The following TARBP1 variants were observed in gnomAD, a reference collection of about 807,000 sequenced individuals.
TARBP1 encodes the protein tRNA guanosine 2 -O-methyltransferase TARBP1, also known as tRNA (guanosine(18)-2'-O)-methyltransferase TARBP1.
In TARBP1, 144 loss-of-function variants were observed where a neutral mutation model predicts 178.6. The observed-to-expected ratio is 0.81, with a 90% CI of 0.70 to 0.93. TARBP1 has a LOEUF of 0.93. TARBP1 is among the 40% of genes least tolerant of loss of function. The probability of loss-of-function intolerance (pLI) is 0.00; values close to 1 mark genes in which losing one functional copy is unlikely to be tolerated. For synonymous variants in TARBP1, 787 were observed against 781.0 expected, an observed-to-expected ratio of 1.01 and a Z score of -0.13; for missense variants, 2,067 against 2,011.7, an observed-to-expected ratio of 1.03 and a Z score of -0.53.
intron 20 of TARBP1, among the ~76,000 whole-genome samples, chr1:234,421,927 C>T (rs1387376575): frequency 6.6e-6 from 1 of 152,170 alleles, no homozygotes; most frequent in Non-Finnish European, 1.5e-5. Context: ...TCGTTCTCTG[C>T]ATTTTAGTGT....
chr1:234,411,385 T>A (rs1281477102), intron 22 of TARBP1, among the ~76,000 whole-genome samples: 1 of 152,006 alleles, frequency 6.6e-6, no homozygotes, highest in African/African-American at 2.4e-5. Flanking sequence ...CTGGAATCAA[T>A]CCCCCATGGA....
chr1:234,435,227 A>T (rs1664883190), intron 13 of TARBP1, among the ~76,000 whole-genome samples: 1 of 152,202 alleles, frequency 6.6e-6, no homozygotes, highest in South Asian at 2.1e-4. Flanking sequence ...AGGCAGGCAG[A>T]TCACCTGAGG....
At chr1:234,455,767 TA>T (rs1025986887) in intron 9 of TARBP1, among the ~76,000 whole-genome samples, 2 of 149,080 alleles carry the variant, frequency 1.3e-5, no homozygotes, top group African/African-American at 2.5e-5. Context: ...AAAAAGGAAC[TA>T]AAAAAAAATT....
In TARBP1 at chr1:234,475,096, C is replaced by T. The variant is rs1351679584; in HGVS notation, c.932-2285G>A. Among the ~76,000 whole-genome samples the T allele has an allele frequency of 2.0e-5, 3 of 152,316 alleles. 1 individual carries two copies. Among genetic ancestry groups the T allele is most frequent in the South Asian group, 4.1e-4 (2 of 4,830 alleles). On this transcript the variant is annotated intron_variant, in intron 1 of 29. Transcript: ENST00000040877. ...ACAGCTTGCTGAGGGAGTCCACATC[C>T]ATTCACCAGCTCTTTTCTTCAAGCC...
chr1:234,463,707 A>G, intron 6 of TARBP1, 130 bp downstream of exon 6: 1 of 511,882 alleles, frequency 2.0e-6, no homozygotes, highest in South Asian at 3.8e-5. Context: ...GAAAATATGC[A>G]TATCCTGGAA....
In TARBP1 at chr1:234,448,621, T is replaced by A. The variant is rs764331672; in HGVS notation, c.1862-42A>T. On this transcript the variant is annotated intron_variant, in intron 10 of 29. Transcript: ENST00000040877. ...TAAGGTTTGCAAAGCATTAACAAAA[T>A]CCTTCAAGGATGATGCTTCAAAAAA... 3.3e-6 allele frequency: 5 copies of A among 1,510,862 alleles called. No homozygotes were observed. The South Asian group carries it at 5.7e-5, about 17-fold the overall frequency. 93.6% of individuals were successfully genotyped at this position (1,510,862 alleles called of 1,614,324 possible).
intron 24 of TARBP1, among the ~76,000 whole-genome samples, chr1:234,403,928 T>A (rs1016956752): frequency 2.0e-5 from 3 of 152,154 alleles, no homozygotes; most frequent in Admixed American, 2.0e-4. Context: ...CCTCAGGCGA[T>A]CCACCTACCT....
chr1:234,425,566 T>C lies in TARBP1; in HGVS notation c.3444+107A>G, dbSNP rs1465031491. The C allele has an allele frequency of 2.4e-6, 3 of 1,225,516 alleles. No individual in the cohort carries two copies. In the African/African-American group the frequency reaches 4.6e-5, roughly 19 times the overall value. 75.9% of individuals were successfully genotyped at this position (1,225,516 alleles called of 1,614,324 possible). A position where few individuals can be genotyped will look rare whatever the true frequency, so the allele number is the denominator to read the frequency against. On this transcript the variant is annotated intron_variant, in intron 20 of 29. Transcript: ENST00000040877. ...AAATACAGAACATAAACTTTGTGTT[T>C]TCTCCTGACAAAAGATATTTAGAAG...
At position 234,425,724 on chromosome 1, in the gene TARBP1, A is replaced by G; in HGVS notation, c.3393T>C (p.Asn1131=). 6.2e-7 allele frequency: 1 copy of G among 1,612,250 alleles called. No homozygotes were observed. Among genetic ancestry groups the G allele is most frequent in the East Asian group, 2.2e-5 (1 of 44,818 alleles). The change falls in exon 20 of 30, where the codon AAT becomes AAC. Residue 1131 remains asparagine (N), a synonymous_variant. Coordinates refer to ENST00000040877, the MANE Select transcript of TARBP1 (RefSeq NM_005646.4). ...CCTCAATAAACAACTTGTGGGACAT[A>G]TTGGAGCCATCTAATAAACACAGGA... is the stretch of plus-strand genomic sequence containing the variant. The part of the protein sequence containing the change: ...VKFLCLLDGS[N]MSHKLFIEDL...
chr1:234,455,686 T>G (rs994070582), intron 9 of TARBP1, among the ~76,000 whole-genome samples: 1 of 152,048 alleles, frequency 6.6e-6, no homozygotes, highest in Non-Finnish European at 1.5e-5. Flanking sequence ...ATAAGACACT[T>G]CTGACCAATA....
chr1:234,430,889 C>T (rs1664367597), intron 14 of TARBP1, among the ~76,000 whole-genome samples: 1 of 152,166 alleles, frequency 6.6e-6, no homozygotes, highest in African/African-American at 2.4e-5. Flanking sequence ...CATACTACAC[C>T]TTAGTTTTCT....
intron 13 of TARBP1, 35 bp downstream of exon 13, chr1:234,437,240 A>G (rs751133542): frequency 8.9e-7 from 1 of 1,127,192 alleles, no homozygotes; most frequent in Non-Finnish European, 1.3e-6. Flanking sequence ...AGAATGAAAG[A>G]AATGAAAAAG....
chr1:234,478,312 G>A lies in TARBP1; in HGVS notation c.792C>T (p.Arg264=), dbSNP rs1280287372. ...EAGPDARRCW[R]FWRTVQAGLG... ...GCCCCGCCTGCACCGTCCTCCAGAA[G>A]CGCCAGCAGCGCCGGGCGTCCGGGC... The change falls in exon 1 of 30, where the codon CGC becomes CGT. Residue 264 remains arginine (R), a synonymous_variant. Transcript: ENST00000040877. 1.4e-6 allele frequency: 2 copies of A among 1,428,428 alleles called. No individual in the cohort carries two copies. Among genetic ancestry groups the A allele is most frequent in the Admixed American group, 5.3e-5 (2 of 37,760 alleles). The allele number at this position is 1,428,428 out of a possible 1,614,324, so 88.5% of individuals were successfully genotyped here. A position where few individuals can be genotyped will look rare whatever the true frequency, so the allele number is the denominator to read the frequency against.
intron 6 of TARBP1, among the ~76,000 whole-genome samples, chr1:234,462,051 T>A (rs1667912112): frequency 6.6e-6 from 1 of 152,232 alleles, no homozygotes; most frequent in Non-Finnish European, 1.5e-5. Flanking sequence ...TGAATGAATG[T>A]TTTAATTGCT....
At chr1:234,454,212 G>C (rs947905224) in intron 9 of TARBP1, among the ~76,000 whole-genome samples, 7 of 152,158 alleles carry the variant, frequency 4.6e-5, no homozygotes, top group Admixed American at 1.3e-4. Flanking sequence ...AGCTGGAATA[G>C]AGTCCACAAT....
At chr1:234,434,064 G>GCTCTA (rs1471504681) in intron 13 of TARBP1, among the ~76,000 whole-genome samples, 1 of 152,130 alleles carries the variant, frequency 6.6e-6, no homozygotes, top group Non-Finnish European at 1.5e-5. Flanking sequence ...AATGGGTTCA[G>GCTCTA]CTCTACCATG....
chr1:234,431,095 C>T (rs145663550), intron 14 of TARBP1, among the ~76,000 whole-genome samples: 3,523 of 152,270 alleles, frequency 0.023, 55 homozygotes, highest in South Asian at 0.062. Context: ...AAGTCAGACA[C>T]AGAAAACAAC....
chr1:234,449,568 C>G (rs1666529890), intron 10 of TARBP1, among the ~76,000 whole-genome samples: 1 of 152,052 alleles, frequency 6.6e-6, no homozygotes, highest in South Asian at 2.1e-4. Context: ...AAATAATCTT[C>G]CAATGTAACA....
At chr1:234,425,091 G>T (rs1161706147) in intron 20 of TARBP1, among the ~76,000 whole-genome samples, 2 of 151,736 alleles carry the variant, frequency 1.3e-5, no homozygotes, top group Non-Finnish European at 2.9e-5. Context: ...TGGGCATAGT[G>T]GTGGATGCCT....
Sources: gnomAD v4.1 joint callset for allele counts (sites outside exome capture counted in the v4.1 genomes callset) on GRCh38, gnomAD v4.1.1 for gene constraint, MANE v1.5 for transcripts, NCBI Gene and HGNC (gene_info 2026-07-23, HGNC 2026-07-21) for gene names.